Variants in LCLAT1 observed in about 807,000 individuals in gnomAD.
LCLAT1 encodes the protein 1-AGP acyltransferase 8.
LCLAT1 carries 11 observed loss-of-function variants against 30.7 expected under a neutral mutation model. That is an observed-to-expected ratio of 0.36 (90% CI 0.23 to 0.59). LCLAT1 has a LOEUF of 0.59. LCLAT1 is among the 20% of genes least tolerant of loss of function. The pLI, the probability that LCLAT1 is intolerant of heterozygous loss-of-function variation, is 0.77. For synonymous variants in LCLAT1, 155 were observed against 151.3 expected (o/e 1.02, Z -0.18); for missense variants, 402 against 458.6 (o/e 0.88, Z 1.13).
chr2:30,539,416 G>A (rs559259529), intron 3 of LCLAT1, among the ~76,000 whole-genome samples: 2 of 152,006 alleles, frequency 1.3e-5, no homozygotes, highest in East Asian at 3.9e-4. Context: ...GCACAATGAT[G>A]CCTGGCTAAT....
intron 1 of LCLAT1, among the ~76,000 whole-genome samples, chr2:30,481,504 C>T (rs374095513): frequency 3.9e-5 from 6 of 152,040 alleles, no homozygotes; most frequent in African/African-American, 1.2e-4. Context: ...GAAGGATCAC[C>T]GATGTCAGAA....
At chr2:30,536,278 A>G (rs924238162) in intron 3 of LCLAT1, among the ~76,000 whole-genome samples, 3 of 152,228 alleles carry the variant, frequency 2.0e-5, no homozygotes, top group African/African-American at 7.2e-5. Context: ...GGACATCCAG[A>G]TACAGGAAGC....
At chr2:30,497,499 A>G (rs1035111952) in intron 1 of LCLAT1, among the ~76,000 whole-genome samples, 22 of 152,174 alleles carry the variant, frequency 1.4e-4, no homozygotes, top group African/African-American at 5.3e-4. Flanking sequence ...TCTGAAAAAC[A>G]TTTTACTCTT....
At chr2:30,573,028 A>G (rs1665850137) in intron 5 of LCLAT1, among the ~76,000 whole-genome samples, 1 of 152,270 alleles carries the variant, frequency 6.6e-6, no homozygotes, top group South Asian at 2.1e-4. Context: ...ATTTTTCTCA[A>G]TACTGGTTCA....
chr2:30,553,809 G>A (rs1452555850), intron 3 of LCLAT1, among the ~76,000 whole-genome samples: 3 of 151,718 alleles, frequency 2.0e-5, no homozygotes, highest in Non-Finnish European at 2.9e-5. Flanking sequence ...GCGACAGAGC[G>A]AGACTCCGTC....
intron 1 of LCLAT1, among the ~76,000 whole-genome samples, chr2:30,475,139 A>G (rs1295885515): frequency 3.3e-5 from 5 of 151,656 alleles, no homozygotes; most frequent in African/African-American, 1.2e-4. Flanking sequence ...CTGGGATTAC[A>G]AGCATGTGCC....
chr2:30,586,292 G>T (rs1165144297), intron 5 of LCLAT1, among the ~76,000 whole-genome samples: 1 of 149,826 alleles, frequency 6.7e-6, no homozygotes, highest in African/African-American at 2.5e-5. Flanking sequence ...CTCACAGTCT[G>T]TAAGCTAGAA....
chr2:30,453,607 A>T (rs1296471099), intron 1 of LCLAT1, among the ~76,000 whole-genome samples: 7 of 152,202 alleles, frequency 4.6e-5, no homozygotes, highest in Admixed American at 4.6e-4. Context: ...GAACTTGGTG[A>T]TGGGGACAGA....
At chr2:30,472,889 A>G (rs1449465991) in intron 1 of LCLAT1, among the ~76,000 whole-genome samples, 2 of 152,166 alleles carry the variant, frequency 1.3e-5, no homozygotes, top group African/African-American at 4.8e-5. Flanking sequence ...AATGCATTAG[A>G]TGAAACTTTT....
At chr2:30,576,057 G>A (rs12616814) in intron 5 of LCLAT1, among the ~76,000 whole-genome samples, 96,871 of 151,972 alleles carry the variant, frequency 0.64, 31,064 homozygotes, top group Non-Finnish European at 0.68. Context: ...TCATAGATGA[G>A]TGAAAATTAT....
chr2:30,592,298 T>C (rs1666731501), intron 5 of LCLAT1, among the ~76,000 whole-genome samples: 2 of 152,244 alleles, frequency 1.3e-5, no homozygotes, highest in South Asian at 4.1e-4. Flanking sequence ...CTGGGCAACA[T>C]AGGGAGACCC....
At chr2:30,527,180 A>G (rs1039011803) in intron 2 of LCLAT1, among the ~76,000 whole-genome samples, 4 of 152,152 alleles carry the variant, frequency 2.6e-5, no homozygotes, top group Non-Finnish European at 4.4e-5. Flanking sequence ...AAAATCAGAG[A>G]CATTTCCTAT....
chr2:30,621,512 A>T (rs1038789690), intron 5 of LCLAT1, among the ~76,000 whole-genome samples: 2 of 152,140 alleles, frequency 1.3e-5, no homozygotes, highest in African/African-American at 2.4e-5. Flanking sequence ...TGGGCTTTTG[A>T]TCCAAGAAAT....
At chr2:30,592,437 T>A (rs1572668111) in intron 5 of LCLAT1, among the ~76,000 whole-genome samples, 1 of 152,070 alleles carries the variant, frequency 6.6e-6, no homozygotes, top group African/African-American at 2.4e-5. Context: ...TGAGCTGCAA[T>A]TGCACCACCA....
At chr2:30,555,918 A>G (rs575537214) in intron 3 of LCLAT1, among the ~76,000 whole-genome samples, 1 of 150,070 alleles carries the variant, frequency 6.7e-6, no homozygotes, top group South Asian at 2.1e-4. Flanking sequence ...GCTCACTGCA[A>G]GCTCCGCCTC....
At chr2:30,471,425 G>C (rs960424549) in intron 1 of LCLAT1, among the ~76,000 whole-genome samples, 1 of 150,024 alleles carries the variant, frequency 6.7e-6, no homozygotes, top group Non-Finnish European at 1.5e-5. Flanking sequence ...GCCCAGGCTG[G>C]TCTTGAACTC....
At chr2:30,568,219 A>G in intron 5 of LCLAT1, 43 bp downstream of exon 5, 1 of 1,085,370 alleles carries the variant, frequency 9.2e-7, no homozygotes, top group Non-Finnish European at 1.4e-6. Flanking sequence ...AAAAGTGGCA[A>G]AAATTGCTAA....
At chr2:30,620,177 C>A (rs1435950560) in intron 5 of LCLAT1, among the ~76,000 whole-genome samples, 1 of 152,128 alleles carries the variant, frequency 6.6e-6, no homozygotes, top group Non-Finnish European at 1.5e-5. Context: ...TTGAATACAA[C>A]TTCCCATGGT....
At chr2:30,528,492 C>T (rs1425176418) in intron 2 of LCLAT1, among the ~76,000 whole-genome samples, 1 of 152,090 alleles carries the variant, frequency 6.6e-6, no homozygotes, top group African/African-American at 2.4e-5. Context: ...ATGAGTGGTT[C>T]TCTGCTGAGT....
Sources: allele counts gnomAD v4.1 joint callset (sites outside exome capture counted in the v4.1 genomes callset), GRCh38; gene constraint gnomAD v4.1.1; transcripts MANE v1.5; gene names NCBI Gene and HGNC (gene_info 2026-07-23, HGNC 2026-07-21).